Variants in RNF213 observed in about 807,000 individuals in gnomAD.
The protein encoded by RNF213 is ring finger protein 213, also known as E3 ubiquitin-protein ligase RNF213.
RNF213 carries 341 observed loss-of-function variants against 514.4 expected under a neutral mutation model. That is an observed-to-expected ratio of 0.66 (90% CI 0.61 to 0.73). The LOEUF is 0.73. Ranked by LOEUF, RNF213 falls within the 30% of genes least tolerant of loss-of-function variation. The probability of loss-of-function intolerance (pLI) is 0.00; values close to 1 mark genes in which losing one functional copy is unlikely to be tolerated. For missense variants in RNF213, 5,767 were observed against 6,615.6 expected, an observed-to-expected ratio of 0.87 and a Z score of 4.45; for synonymous variants, 2,655 against 2,658.2, an observed-to-expected ratio of 1.00 and a Z score of 0.04.
intron 38 of RNF213, chr17:80,360,416 A>G: frequency 1.7e-6 from 1 of 600,650 alleles, no homozygotes; most frequent in Non-Finnish European, 3.0e-6. Context: ...GCGGGACCAG[A>G]AACCTTTCGA....
chr17:80,293,743 C>T lies in RNF213; in HGVS notation c.1472-977C>T, dbSNP rs958668166. Reference sequence around the variant, plus strand: ...TCGGGAGGCTGAGGCAGGAGAATGGCGTGAACCCGGGAGGCGGAGCTTGCA... The same window carrying T: ...TCGGGAGGCTGAGGCAGGAGAATGGTGTGAACCCGGGAGGCGGAGCTTGCA... On this transcript the variant is annotated intron_variant, in intron 8 of 67. Transcript: ENST00000582970. Among the ~76,000 whole-genome samples the T allele has an allele frequency of 7.2e-5, 11 of 152,052 alleles. No homozygotes were observed. The South Asian group carries it at 1.5e-3, about 20-fold the overall frequency.
intron 65 of RNF213, 151 bp downstream of exon 65, chr17:80,389,518 A>G: frequency 1.3e-6 from 1 of 763,252 alleles, no homozygotes; most frequent in South Asian, 1.5e-5. Flanking sequence ...TCAGTCCAGC[A>G]TAAACAGGAC....
At chr17:80,363,398 T>C in intron 40 of RNF213, 84 bp downstream of exon 40, 1 of 1,427,508 alleles carries the variant, frequency 7.0e-7, no homozygotes, top group Admixed American at 1.7e-5. Flanking sequence ...TGGGGCTGTG[T>C]TCCAAGTGGG....
chr17:80,331,603 G>A (rs972312133), intron 20 of RNF213, among the ~76,000 whole-genome samples: 1 of 152,092 alleles, frequency 6.6e-6, no homozygotes, highest in Non-Finnish European at 1.5e-5. Flanking sequence ...TGGCCAGGCT[G>A]CTCATGAACT....
At chr17:80,370,105 G>A (rs886274527) in intron 46 of RNF213, among the ~76,000 whole-genome samples, 1 of 152,208 alleles carries the variant, frequency 6.6e-6, no homozygotes, top group East Asian at 1.9e-4. Context: ...CAACAGTGCC[G>A]TGAAGGGACC....
At position 80,283,509 on chromosome 17, in the gene RNF213, G is replaced by A. The variant is rs2044370201; in HGVS notation, c.262-4306G>A. Among the ~76,000 whole-genome samples, 3 of 152,242 alleles carry A rather than the reference G, an allele frequency of 2.0e-5. No individual in the cohort carries two copies. The South Asian group carries it at 6.2e-4, about 32-fold the overall frequency. On this transcript the variant is annotated intron_variant, in intron 3 of 67. Transcript: ENST00000582970. ...CACAGCCCCGTGTTGTGGGCAGAGGGAGTGAGGCCAGGCCTGGCTCCTGCC... is the reference window on the plus strand; with the variant it reads ...CACAGCCCCGTGTTGTGGGCAGAGGAAGTGAGGCCAGGCCTGGCTCCTGCC...
At chr17:80,312,183 T>C (rs980953403) in intron 14 of RNF213, among the ~76,000 whole-genome samples, 1 of 151,888 alleles carries the variant, frequency 6.6e-6, no homozygotes, top group Non-Finnish European at 1.5e-5. Context: ...AATCCAGGAC[T>C]GTGGGGCTCC....
intron 2 of RNF213, among the ~76,000 whole-genome samples, chr17:80,272,901 C>A (rs189030155): frequency 6.6e-6 from 1 of 152,132 alleles, no homozygotes; most frequent in Admixed American, 6.5e-5. Context: ...GGGAGGAAAG[C>A]GTAACAGGCT....
At position 80,345,631 on chromosome 17, in the gene RNF213, C is replaced by T. The variant is rs1160591404; in HGVS notation, c.7296C>T (p.Phe2432=). The stretch of plus-strand genomic sequence containing the variant: ...GTGGGAAAACCAGGCTTATTAAATT[C>T]CTTAGCGACCTGCGGCGTGGTGGTA... The part of the protein sequence containing the change: ...TGCGKTRLIK[F]LSDLRRGGTN... Residue 2432 remains phenylalanine (F), a synonymous_variant, in exon 29 of 68, where the codon TTC becomes TTT. Coordinates refer to ENST00000582970, the MANE Select transcript of RNF213 (RefSeq NM_001256071.3). The surrounding 1 kb of genome is among the most constrained non-coding windows in gnomAD (Gnocchi z 6.0). 9.3e-6 allele frequency: 15 copies of T among 1,614,058 alleles called. No homozygotes were observed. The highest frequency in any genetic ancestry group is 1.3e-5 in the Non-Finnish European group (15 of 1,180,050).
At chr17:80,389,766 G>A in intron 65 of RNF213, 62 bp from the exon 66 acceptor site, 1 of 1,395,330 alleles carries the variant, frequency 7.2e-7, no homozygotes, top group Non-Finnish European at 1.0e-6. Context: ...GCTCCCTGGT[G>A]CACGACATGA....
chr17:80,286,222 G>A (rs1219342530), intron 3 of RNF213, among the ~76,000 whole-genome samples: 4 of 151,966 alleles, frequency 2.6e-5, no homozygotes, highest in South Asian at 2.1e-4. Context: ...GGTGTTGGAC[G>A]CAGGCCGAGC....
In RNF213 at chr17:80,383,592, C is replaced by T. The variant is rs938672136; in HGVS notation, c.14071-85C>T. 21 of 1,419,912 alleles carry T rather than the reference C, an allele frequency of 1.5e-5. 1 individual carries two copies. Among genetic ancestry groups the T allele is most frequent in the African/African-American group, 1.4e-5 (1 of 70,952 alleles). 88.0% of individuals were successfully genotyped at this position (1,419,912 alleles called of 1,614,324 possible). A position where few individuals can be genotyped will look rare whatever the true frequency, so the allele number is the denominator to read the frequency against. On this transcript the variant is annotated intron_variant, in intron 58 of 67. Coordinates refer to ENST00000582970, the MANE Select transcript of RNF213 (RefSeq NM_001256071.3). ...GGACAAACGCCCTAATATGCAGACA[C>T]CCACTGGTGGAGTTACTGGGTGTTA...
At chr17:80,379,329 C>T (rs1404319207) in intron 54 of RNF213, 3 of 432,080 alleles carry the variant, frequency 6.9e-6, no homozygotes, top group African/African-American at 2.0e-5. Context: ...GTGCTGAATA[C>T]AAGAAAGGAA....
chr17:80,389,763 G>C, intron 65 of RNF213, 65 bp from the exon 66 acceptor site: 3 of 1,353,396 alleles, frequency 2.2e-6, no homozygotes, highest in Non-Finnish European at 3.2e-6. Flanking sequence ...CAGGCTCCCT[G>C]GTGCACGACA....
At chr17:80,382,904 T>C (rs529373962) in intron 57 of RNF213, 75 bp from the exon 58 acceptor site, 20 of 867,708 alleles carry the variant, frequency 2.3e-5, no homozygotes, top group Admixed American at 1.4e-4. Flanking sequence ...TAAACACTTA[T>C]TTAGGGTTTA....
chr17:80,309,419 G>A (rs1217483303), intron 14 of RNF213, among the ~76,000 whole-genome samples: 3 of 152,186 alleles, frequency 2.0e-5, no homozygotes, highest in Non-Finnish European at 2.9e-5. Context: ...GGGAGTTAAT[G>A]TGTGGCCATC....
At chr17:80,380,582 C>T (rs534284052) in intron 55 of RNF213, among the ~76,000 whole-genome samples, 4 of 152,282 alleles carry the variant, frequency 2.6e-5, no homozygotes, top group East Asian at 1.9e-4. Context: ...ACACCCTGCC[C>T]GGGGATCAGC....
Position 80,364,740 on chromosome 17 carries a change from A to G in RNF213, c.11871+187A>G, listed in dbSNP as rs1296147695. The G allele has an allele frequency of 1.5e-5, 10 of 665,260 alleles. No individual in the cohort carries two copies. In the Admixed American group the frequency reaches 2.4e-4, roughly 16 times the overall value. The allele number at this position is 665,260 out of a possible 1,614,324, so 41.2% of individuals were successfully genotyped here. A position where few individuals can be genotyped will look rare whatever the true frequency, so the allele number is the denominator to read the frequency against. On this transcript the variant is annotated intron_variant, in intron 42 of 67. Transcript: ENST00000582970. Reference sequence around the variant, plus strand: ...TCCATGTTTAATTGTTTAATTATTTACCCTCTGCTGATTGCTAAGTCAGAG... The same window carrying G: ...TCCATGTTTAATTGTTTAATTATTTGCCCTCTGCTGATTGCTAAGTCAGAG...
In RNF213 at chr17:80,265,716, G is replaced by A. The variant is rs1168435377; in HGVS notation, c.97+1938G>A. On this transcript the variant is annotated intron_variant, in intron 2 of 67. Coordinates refer to ENST00000582970, the MANE Select transcript of RNF213 (RefSeq NM_001256071.3). ...GAAAATCGAGCACCAGCTCTCACGC[G>A]ATTAGCTGAGTTAAAATGAAAGCTG... Among the ~76,000 whole-genome samples, 4 of 152,280 alleles carry A rather than the reference G, an allele frequency of 2.6e-5. No homozygotes were observed. In the East Asian group the frequency reaches 5.8e-4, roughly 22 times the overall value.
Sources: allele counts gnomAD v4.1 joint callset (sites outside exome capture counted in the v4.1 genomes callset), GRCh38; gene constraint gnomAD v4.1.1; non-coding constraint Gnocchi (gnomAD v3.1); transcripts MANE v1.5; gene names NCBI Gene and HGNC (gene_info 2026-07-23, HGNC 2026-07-21).